GM2A: variants seen among roughly 807,000 people sequenced by gnomAD.
GM2A encodes ganglioside GM2 activator, also known as GM2 ganglioside activator.
Under a neutral mutation model 12.9 loss-of-function variants are expected in GM2A, and 7 were observed. The observed-to-expected ratio is 0.54, with a 90% confidence interval of 0.31 to 1.02. The LOEUF is 1.02. Ranked by LOEUF, GM2A falls within the 50% of genes least tolerant of loss-of-function variation. The pLI is 0.05. For synonymous variants in GM2A, 101 were observed against 96.0 expected, an observed-to-expected ratio of 1.05 and a Z score of -0.30; for missense variants, 246 against 241.0, an observed-to-expected ratio of 1.02 and a Z score of -0.14.
At position 151,268,041 on chromosome 5, in the gene GM2A, G is replaced by A; in HGVS notation, c.*590G>A. 9.7e-7 allele frequency: 1 copy of A among 1,026,246 alleles called. No homozygotes were observed. Among genetic ancestry groups the A allele is most frequent in the South Asian group, 3.8e-5 (1 of 26,560 alleles). The allele number at this position is 1,026,246 out of a possible 1,614,324, so 63.6% of individuals were successfully genotyped here. On this transcript the variant is annotated 3_prime_UTR_variant, in exon 4 of 4. Transcript: ENST00000357164. Reference sequence around the variant, plus strand: ...TGTGGGGGAGGAATCCCTTGGGGGAGATATTAGGAGTGCTCTGTTGTTTAC... The same window carrying A: ...TGTGGGGGAGGAATCCCTTGGGGGAAATATTAGGAGTGCTCTGTTGTTTAC...
chr5:151,270,361 G>C lies in GM2A; in HGVS notation c.*2910G>C. 1 of 398,718 alleles carries C rather than the reference G, an allele frequency of 2.5e-6. No homozygotes were observed. Among genetic ancestry groups the C allele is most frequent in the South Asian group, 1.3e-4 (1 of 7,864 alleles). The allele number at this position is 398,718 out of a possible 1,614,324, so 24.7% of individuals were successfully genotyped here. On this transcript the variant is annotated 3_prime_UTR_variant, in exon 4 of 4. Coordinates refer to ENST00000357164, the MANE Select transcript of GM2A (RefSeq NM_000405.5). ...ATATTGACACATTTGACTACATGAA[G>C]ATAATAAAAATGCTTAGTAAAAACA...
rs761316539 is a variant in GM2A, at chr5:151,266,825, A to T, written c.338A>T (p.Asp113Val). ...IGSCTFEHFC[D>V]VLDMLIPTGE... ...AGCTGTACCTTTGAACACTTCTGTG[A>T]TGTGCTTGACATGTTAATTCCTACT... The change falls in exon 3 of 4, where the codon GAT becomes GTT. Residue 113 changes from aspartate (D) to valine (V), a missense_variant. Physicochemically the swap from Asp to Val is radical, Grantham distance 152. Coordinates refer to ENST00000357164, the MANE Select transcript of GM2A (RefSeq NM_000405.5). 9.3e-6 allele frequency: 15 copies of T among 1,613,742 alleles called. No individual in the cohort carries two copies. The highest frequency in any genetic ancestry group is 1.3e-5 in the Non-Finnish European group (15 of 1,179,780).
chr5:151,257,797 G>A (rs559318726), intron 1 of GM2A, among the ~76,000 whole-genome samples: 1 of 152,214 alleles, frequency 6.6e-6, no homozygotes, highest in Admixed American at 6.5e-5. Flanking sequence ...GAGTTCCCTC[G>A]GCCTGCACTT....
chr5:151,264,964 A>G (rs1226957775), intron 2 of GM2A, among the ~76,000 whole-genome samples: 2 of 151,846 alleles, frequency 1.3e-5, no homozygotes, highest in Admixed American at 6.6e-5. Flanking sequence ...CCTAGGTGAC[A>G]GAGTGAGACT....
chr5:151,260,609 C>T (rs546296846), intron 2 of GM2A, among the ~76,000 whole-genome samples: 1 of 152,240 alleles, frequency 6.6e-6, no homozygotes, highest in African/African-American at 2.4e-5. Flanking sequence ...CAGAGTGAAA[C>T]TCTGTCCCAA....
At chr5:151,263,719 G>A (rs1753837387) in intron 2 of GM2A, among the ~76,000 whole-genome samples, 1 of 152,058 alleles carries the variant, frequency 6.6e-6, no homozygotes, top group Non-Finnish European at 1.5e-5. Flanking sequence ...TATGAGAGCT[G>A]CCCAGAACTA....
intron 2 of GM2A, among the ~76,000 whole-genome samples, chr5:151,261,602 C>T (rs981366813): frequency 2.0e-5 from 3 of 152,184 alleles, no homozygotes; most frequent in African/African-American, 7.2e-5. Context: ...TTGCGCCCCA[C>T]TAATTTTTGT....
chr5:151,261,815 C>T (rs1052700407), intron 2 of GM2A, among the ~76,000 whole-genome samples: 2 of 150,872 alleles, frequency 1.3e-5, no homozygotes, highest in Non-Finnish European at 3.0e-5. Flanking sequence ...CTCAGGCAAT[C>T]CACCTGCCTC....
chr5:151,259,640 G>A (rs893006434), intron 1 of GM2A, 115 bp from the exon 2 acceptor site: 9 of 847,206 alleles, frequency 1.1e-5, no homozygotes, highest in East Asian at 2.6e-5. Flanking sequence ...GCTCAGGGAC[G>A]GGGGTGCCTC....
At chr5:151,264,126 A>G (rs1468007379) in intron 2 of GM2A, among the ~76,000 whole-genome samples, 1 of 152,114 alleles carries the variant, frequency 6.6e-6, no homozygotes, top group Non-Finnish European at 1.5e-5. Flanking sequence ...TATTTGTCAT[A>G]TGTACTTATT....
intron 2 of GM2A, among the ~76,000 whole-genome samples, chr5:151,262,587 T>C (rs956521738): frequency 7.9e-5 from 12 of 152,318 alleles, no homozygotes; most frequent in African/African-American, 2.9e-4. Context: ...CCCCTGCACC[T>C]CCTACCAAGC....
chr5:151,254,113 C>T lies in GM2A; in HGVS notation c.81+816C>T, dbSNP rs928324725. 2.0e-5 allele frequency among the ~76,000 whole-genome samples: 3 copies of T among 152,166 alleles called. No individual in the cohort carries two copies. In the East Asian group the frequency reaches 5.8e-4, roughly 29 times the overall value. On this transcript the variant is annotated intron_variant, in intron 1 of 3. Transcript: ENST00000357164. Reference sequence around the variant, plus strand: ...TCAATTTGATGGATAATTTCTTCATCAAGTGTCTGTTGATGGATAATTTCT... The same window carrying T: ...TCAATTTGATGGATAATTTCTTCATTAAGTGTCTGTTGATGGATAATTTCT...
chr5:151,268,087 C>T lies in GM2A; in HGVS notation c.*636C>T. The T allele has an allele frequency of 1.0e-6, 1 of 993,828 alleles. No homozygotes were observed. The allele number at this position is 993,828 out of a possible 1,614,324, so 61.6% of individuals were successfully genotyped here. On this transcript the variant is annotated 3_prime_UTR_variant, in exon 4 of 4. Coordinates refer to ENST00000357164, the MANE Select transcript of GM2A (RefSeq NM_000405.5). ...TTTACAAACTCAGGTACCCGCAGGG[C>T]CTAGCAAGAGACTTAAATGACTGAT...
chr5:151,269,093 T>C lies in GM2A; in HGVS notation c.*1642T>C, dbSNP rs1178387529. On this transcript the variant is annotated 3_prime_UTR_variant, in exon 4 of 4. Transcript: ENST00000357164. ...CCAGCAGCTGCTTTTGGAGCAGGGG[T>C]CCAAGGAAGAGAGGGTGGCCTCGAC... is the stretch of plus-strand genomic sequence containing the variant. 1 of 985,282 alleles carries C rather than the reference T, an allele frequency of 1.0e-6. No individual in the cohort carries two copies. Among genetic ancestry groups the C allele is most frequent in the Non-Finnish European group, 1.2e-6 (1 of 829,922 alleles). 61.0% of individuals were successfully genotyped at this position (985,282 alleles called of 1,614,324 possible).
Position 151,269,374 on chromosome 5 carries a change from C to T in GM2A, c.*1923C>T, listed in dbSNP as rs1753964118. The T allele has an allele frequency of 7.1e-6, 7 of 985,326 alleles. No homozygotes were observed. Among genetic ancestry groups the T allele is most frequent in the African/African-American group, 3.5e-5 (2 of 57,324 alleles). The allele number at this position is 985,326 out of a possible 1,614,324, so 61.0% of individuals were successfully genotyped here. A position where few individuals can be genotyped will look rare whatever the true frequency, so the allele number is the denominator to read the frequency against. ...AGGTGAGCCGAGGTGATTCCAGGGA[C>T]GGACCCTTCTGCAGGAGCTTGAGCT... is the stretch of plus-strand genomic sequence containing the variant. On this transcript the variant is annotated 3_prime_UTR_variant, in exon 4 of 4. Transcript: ENST00000357164.
At position 151,255,173 on chromosome 5, in the gene GM2A, C is replaced by T. The variant is rs57772562; in HGVS notation, c.81+1876C>T. On this transcript the variant is annotated intron_variant, in intron 1 of 3. Transcript: ENST00000357164. Reference sequence around the variant, plus strand: ...AAAATTAGCTGGGCGTGGTGGTGTGCGCCAGTATTCCCAGCTACTTGAGAG... The same window carrying T: ...AAAATTAGCTGGGCGTGGTGGTGTGTGCCAGTATTCCCAGCTACTTGAGAG... Among the ~76,000 whole-genome samples the T allele has an allele frequency of 9.1e-3, 1,379 of 152,156 alleles. 22 individuals carry two copies. Among genetic ancestry groups the T allele is most frequent in the African/African-American group, 0.031 (1,284 of 41,490 alleles).
At position 151,268,308 on chromosome 5, in the gene GM2A, C is replaced by T. The variant is rs751625171; in HGVS notation, c.*857C>T. The T allele has an allele frequency of 2.6e-6, 1 of 385,208 alleles. No individual in the cohort carries two copies. Among genetic ancestry groups the T allele is most frequent in the Non-Finnish European group, 3.6e-6 (1 of 281,498 alleles). The allele number at this position is 385,208 out of a possible 1,614,324, so 23.9% of individuals were successfully genotyped here. A position where few individuals can be genotyped will look rare whatever the true frequency, so the allele number is the denominator to read the frequency against. Reference sequence around the variant, plus strand: ...GTAGCTTGGACTACAGGCCCTGCCACCACGCCCGGCTAATTTGTGTATTTT... The same window carrying T: ...GTAGCTTGGACTACAGGCCCTGCCATCACGCCCGGCTAATTTGTGTATTTT... On this transcript the variant is annotated 3_prime_UTR_variant, in exon 4 of 4. Transcript: ENST00000357164.
At chr5:151,255,130 C>T (rs1401874517) in intron 1 of GM2A, among the ~76,000 whole-genome samples, 1 of 152,052 alleles carries the variant, frequency 6.6e-6, no homozygotes, top group African/African-American at 2.4e-5. Flanking sequence ...GGTGAAGCCC[C>T]ATCTCTGCAA....
chr5:151,257,338 C>T (rs1424045389), intron 1 of GM2A, among the ~76,000 whole-genome samples: 1 of 152,084 alleles, frequency 6.6e-6, no homozygotes, highest in Non-Finnish European at 1.5e-5. Flanking sequence ...TGTTACGTCT[C>T]CCCCAGGGCC....
Sources: gnomAD v4.1 joint callset for allele counts (sites outside exome capture counted in the v4.1 genomes callset) on GRCh38, gnomAD v4.1.1 for gene constraint, MANE v1.5 for transcripts, NCBI Gene and HGNC (gene_info 2026-07-23, HGNC 2026-07-21) for gene names.